SF3B3: variants seen among roughly 807,000 people sequenced by gnomAD.
SF3B3 encodes SAP 130.
Under a neutral mutation model 139.2 loss-of-function variants are expected in SF3B3, and 33 were observed. The ratio of observed to expected loss-of-function variants is 0.24; its 90% confidence interval spans 0.18 to 0.32. The LOEUF is 0.32. Among genes scored for constraint, SF3B3 ranks in the 10% least tolerant of loss-of-function variants. The pLI is 1.00. For synonymous variants in SF3B3, 596 were observed against 563.6 expected (o/e 1.06, Z -0.81); for missense variants, 818 against 1,509.4 (o/e 0.54, Z 7.59).
At chr16:70,551,784 TCCTC>T (rs1444262160) in intron 11 of SF3B3, among the ~76,000 whole-genome samples, 1 of 152,110 alleles carries the variant, frequency 6.6e-6, no homozygotes, top group African/African-American at 2.4e-5. Context: ...ACTCAAATGA[TCCTC>T]CCTCCCCAGC....
At chr16:70,539,879 C>T (rs2050203016) in intron 8 of SF3B3, among the ~76,000 whole-genome samples, 2 of 150,748 alleles carry the variant, frequency 1.3e-5, no homozygotes. Context: ...CAGGTTCAAG[C>T]AATTCTCCTG....
At chr16:70,541,300 T>C (rs943822754) in intron 8 of SF3B3, among the ~76,000 whole-genome samples, 6 of 151,778 alleles carry the variant, frequency 4.0e-5, no homozygotes, top group Admixed American at 3.9e-4. Context: ...CTTTTTATTT[T>C]TGAGTTCTCT....
chr16:70,569,346 G>A (rs2050507185), intron 23 of SF3B3, among the ~76,000 whole-genome samples: 1 of 152,204 alleles, frequency 6.6e-6, no homozygotes, highest in Non-Finnish European at 1.5e-5. Context: ...CCAGTCCTCT[G>A]CTCTGAGGTG....
At chr16:70,545,479 T>C (rs1477675608) in intron 10 of SF3B3, among the ~76,000 whole-genome samples, 2 of 152,252 alleles carry the variant, frequency 1.3e-5, no homozygotes, top group African/African-American at 4.8e-5. Flanking sequence ...CACTAAAAGT[T>C]ATCTTCTTGA....
At position 70,568,872 on chromosome 16, in the gene SF3B3, C is replaced by T. The variant is rs1002992292; in HGVS notation, c.3166-171C>T. 9.2e-5 allele frequency among the ~76,000 whole-genome samples: 14 copies of T among 152,294 alleles called. 1 individual carries two copies. The highest frequency in any genetic ancestry group is 1.9e-4 in the East Asian group (1 of 5,180). On this transcript the variant is annotated intron_variant, in intron 22 of 25. Transcript: ENST00000302516. ...GTCGATTCTTTTGAGTTTCTTGCTC[C>T]TCAGACACAGCTCCTGCCCACCAGA... is the stretch of plus-strand genomic sequence containing the variant.
intron 17 of SF3B3, among the ~76,000 whole-genome samples, chr16:70,562,369 T>G (rs2050437002): frequency 6.6e-6 from 1 of 152,242 alleles, no homozygotes; most frequent in African/African-American, 2.4e-5. Flanking sequence ...AACTATTGGC[T>G]GTTCATAATG....
intron 17 of SF3B3, 86 bp from the exon 18 acceptor site, chr16:70,563,790 T>A: frequency 7.9e-7 from 1 of 1,268,778 alleles, no homozygotes; most frequent in Non-Finnish European, 1.1e-6. Flanking sequence ...GGGATTGACG[T>A]GTTTGCTGAC....
intron 12 of SF3B3, 149 bp from the exon 13 acceptor site, chr16:70,554,902 C>T (rs868290001): frequency 2.2e-5 from 16 of 735,386 alleles, no homozygotes; most frequent in Middle Eastern, 6.2e-4. Flanking sequence ...TGCCTGAGGC[C>T]TACTAACTCT....
Position 70,570,012 on chromosome 16 carries a change from G to A in SF3B3, c.3271G>A (p.Val1091Met), listed in dbSNP as rs775226928. 1.2e-6 allele frequency: 2 copies of A among 1,614,076 alleles called. No homozygotes were observed. The highest frequency in any genetic ancestry group is 1.1e-5 in the South Asian group (1 of 91,076). Residue 1091 changes from valine to methionine, a missense_variant, in exon 24 of 26, where the codon GTG becomes ATG. Transcript: ENST00000302516. ...LLNGASQKAE[V>M]IMNYHVGETV... The stretch of plus-strand genomic sequence containing the variant: ...GTCTGTTTGTGACTCACAGGCAGAG[G>A]TGATCATGAACTACCATGTCGGGGA...
Position 70,560,288 on chromosome 16 carries a change from T to G in SF3B3, c.2011-181T>G, listed in dbSNP as rs947600306. Reference sequence around the variant, plus strand: ...TAGATGCTCCATAACTTTGGATGATTAAGTGATTTACTGAGAGAATGAAAT... The same window carrying G: ...TAGATGCTCCATAACTTTGGATGATGAAGTGATTTACTGAGAGAATGAAAT... On this transcript the variant is annotated intron_variant, in intron 15 of 25. Coordinates refer to ENST00000302516, the MANE Select transcript of SF3B3 (RefSeq NM_012426.5). 5.5e-5 allele frequency: 27 copies of G among 492,276 alleles called. No individual in the cohort carries two copies. In the South Asian group the frequency reaches 7.2e-4, roughly 13 times the overall value. 30.5% of individuals were successfully genotyped at this position (492,276 alleles called of 1,614,324 possible).
In SF3B3 at chr16:70,576,012, G is replaced by A. The variant is rs1011793520; in HGVS notation, c.*4199G>A. On this transcript the variant is annotated 3_prime_UTR_variant, in exon 26 of 26. Transcript: ENST00000302516. ...GCAGGCAGATTGCTTGAGCCCAGAAGTTTAAGACCAGCCTAGGAAACAGAC... is the reference window on the plus strand; with the variant it reads ...GCAGGCAGATTGCTTGAGCCCAGAAATTTAAGACCAGCCTAGGAAACAGAC... 6.6e-6 allele frequency: 1 copy of A among 151,970 alleles called. No homozygotes were observed. The highest frequency in any genetic ancestry group is 1.5e-5 in the Non-Finnish European group (1 of 68,016). 9.4% of individuals were successfully genotyped at this position (151,970 alleles called of 1,614,324 possible).
Position 70,541,699 on chromosome 16 carries a change from T to C in SF3B3, c.1098T>C (p.Asp366=), listed in dbSNP as rs1233633740. ...TATATCAAATTGCACATCTTGGAGATGATGATGAAGAACCTGAGTTTTCAT... is the reference window on the plus strand; with the variant it reads ...TATATCAAATTGCACATCTTGGAGACGATGATGAAGAACCTGAGTTTTCAT... ...HYLYQIAHLG[D]DDEEPEFSSA... is the part of the protein sequence containing the mutation. The change falls in exon 9 of 26, where the codon GAT becomes GAC. Residue 366 remains aspartate, a synonymous_variant. Transcript: ENST00000302516. The C allele has an allele frequency of 6.2e-7, 1 of 1,614,086 alleles. No individual in the cohort carries two copies. The highest frequency in any genetic ancestry group is 1.3e-5 in the African/African-American group (1 of 75,060).
At chr16:70,555,651 C>G (rs1339132241) in intron 13 of SF3B3, among the ~76,000 whole-genome samples, 1 of 152,128 alleles carries the variant, frequency 6.6e-6, no homozygotes, top group African/African-American at 2.4e-5. Flanking sequence ...CTCTACTTTT[C>G]CAACAAATAT....
chr16:70,548,652 G>A (rs925611573), intron 11 of SF3B3: 32 of 543,520 alleles, frequency 5.9e-5, no homozygotes, highest in Non-Finnish European at 9.6e-5. Context: ...GGGGAACATA[G>A]GTTGGCTGTT....
chr16:70,564,333 C>T (rs1253331964), intron 18 of SF3B3, among the ~76,000 whole-genome samples: 1 of 152,226 alleles, frequency 6.6e-6, no homozygotes, highest in Non-Finnish European at 1.5e-5. Context: ...GATCATGCCA[C>T]TGCATACCAG....
chr16:70,568,481 G>T lies in SF3B3; in HGVS notation c.3151G>T (p.Gly1051Cys). ...CACTGTGGCTGGGGCAGACAAGTTT[G>T]GCAACATATGTGTGGTGAGTTGATG... ...YDTVAGADKF[G>C]NICVVRLPPN... Residue 1051 changes from glycine (G) to cysteine (C), a missense_variant, in exon 22 of 26, where the codon GGC becomes TGC. Gly to Cys is a radical substitution (Grantham distance 159, BLOSUM62 -3). Around this residue, in one of 14 missense-constraint regions of SF3B3, gnomAD observed 91 missense variants for 171.8 expected, o/e 0.53. Transcript: ENST00000302516. 1 of 1,613,542 alleles carries T rather than the reference G, an allele frequency of 6.2e-7. No individual in the cohort carries two copies. The highest frequency in any genetic ancestry group is 8.5e-7 in the Non-Finnish European group (1 of 1,179,700).
In SF3B3 at chr16:70,536,477, G is replaced by A. The variant is rs555512210; in HGVS notation, c.825+1057G>A. Among the ~76,000 whole-genome samples, 18 of 151,892 alleles carry A rather than the reference G, an allele frequency of 1.2e-4. No individual in the cohort carries two copies. The South Asian group carries it at 3.7e-3, about 32-fold the overall frequency. On this transcript the variant is annotated intron_variant, in intron 6 of 25. Transcript: ENST00000302516. Reference sequence around the variant, plus strand: ...CTCCCGGGTTCACGCCATTTCTCCTGCCTCAGCCTCTCGGGTAGCTGGGAC... The same window carrying A: ...CTCCCGGGTTCACGCCATTTCTCCTACCTCAGCCTCTCGGGTAGCTGGGAC...
rs544986649 is a variant in SF3B3, at chr16:70,554,525, G to A, written c.1482G>A (p.Val494=). 19 of 1,614,156 alleles carry A rather than the reference G, an allele frequency of 1.2e-5. No individual in the cohort carries two copies. The Admixed American group carries it at 1.3e-4, about 11-fold the overall frequency. Residue 494 remains valine (V), a synonymous_variant, in exon 12 of 26, where the codon GTG becomes GTA. Coordinates refer to ENST00000302516, the MANE Select transcript of SF3B3 (RefSeq NM_012426.5). The part of the protein sequence containing the change: ...VLSIGETVEE[V]TDSGFLGTTP... Reference sequence around the variant, plus strand: ...CCATTGGAGAAACTGTAGAAGAAGTGACTGACTCTGGGTTCCTGGGGACCA... The same window carrying A: ...CCATTGGAGAAACTGTAGAAGAAGTAACTGACTCTGGGTTCCTGGGGACCA...
chr16:70,570,847 G>T (rs2050522106), intron 24 of SF3B3, among the ~76,000 whole-genome samples: 2 of 152,232 alleles, frequency 1.3e-5, no homozygotes, highest in South Asian at 2.1e-4. Context: ...CTGGGATCAG[G>T]AATCTGACCT....
Sources: gnomAD v4.1 joint callset for allele counts (sites outside exome capture counted in the v4.1 genomes callset) on GRCh38, gnomAD v4.1.1 for gene constraint, gnomAD v4.1.1 regional missense constraint, MANE v1.5 for transcripts, NCBI Gene and HGNC (gene_info 2026-07-23, HGNC 2026-07-21) for gene names.